ARHGEF3: variants seen among roughly 807,000 people sequenced by gnomAD.
The protein encoded by ARHGEF3 is Rho guanine nucleotide exchange factor 3, also known as 59.8 kDA protein.
A neutral mutation model predicts 63.2 loss-of-function variants in ARHGEF3; 28 were observed. That is an observed-to-expected ratio of 0.44 (90% CI 0.33 to 0.61). ARHGEF3 has a LOEUF of 0.61. Among genes scored for constraint, ARHGEF3 ranks in the 20% least tolerant of loss-of-function variants. ARHGEF3 has a pLI of 0.03. For missense variants in ARHGEF3, 533 were observed against 659.3 expected (o/e 0.81, Z 2.10); for synonymous variants, 266 against 254.2 (o/e 1.05, Z -0.44).
At chr3:56,852,918 A>C (rs2039728612) in intron 4 of ARHGEF3, among the ~76,000 whole-genome samples, 1 of 152,194 alleles carries the variant, frequency 6.6e-6, no homozygotes, top group South Asian at 2.1e-4. Flanking sequence ...GGATGTATAG[A>C]CCATGCATTG....
intron 6 of ARHGEF3, among the ~76,000 whole-genome samples, chr3:56,750,551 A>AT (rs1444661565): frequency 5.9e-5 from 9 of 151,940 alleles, no homozygotes; most frequent in East Asian, 3.9e-4. Context: ...TGACCATGAG[A>AT]TTTTTTTTAT....
intron 6 of ARHGEF3, among the ~76,000 whole-genome samples, chr3:56,747,082 G>A (rs1343271922): frequency 7.6e-6 from 1 of 131,066 alleles, no homozygotes; most frequent in African/African-American, 2.7e-5. Context: ...GAGAGAGAGA[G>A]AGAGAGAGAG....
intron 4 of ARHGEF3, 75 bp downstream of exon 4, chr3:56,753,429 A>G: frequency 7.8e-7 from 1 of 1,276,758 alleles, no homozygotes; most frequent in Non-Finnish European, 1.1e-6. Flanking sequence ...CTCACGAAGC[A>G]CCACTTTAGG....
At chr3:56,751,169 T>C in intron 5 of ARHGEF3, 37 bp from the exon 6 acceptor site, 1 of 1,603,158 alleles carries the variant, frequency 6.2e-7, no homozygotes, top group South Asian at 1.1e-5. Flanking sequence ...TTGTTAGGCA[T>C]TCAAATATGA....
intron 1 of ARHGEF3, among the ~76,000 whole-genome samples, chr3:57,057,723 A>C (rs1705006428): frequency 6.6e-6 from 1 of 152,182 alleles, no homozygotes; most frequent in Non-Finnish European, 1.5e-5. Context: ...TGGTCAACTC[A>C]TTCCTAATAT....
At chr3:56,803,754 G>A (rs9832249), upstream of ARHGEF3, among the ~76,000 whole-genome samples, 66,211 of 151,990 alleles carry the variant, frequency 0.44, 16,606 homozygotes, top group East Asian at 0.7. Context: ...GTGAGCTATG[G>A]TTGCACCACT....
At chr3:56,909,448 C>T (rs74379422) in intron 3 of ARHGEF3, among the ~76,000 whole-genome samples, 10,513 of 152,286 alleles carry the variant, frequency 0.069, 424 homozygotes, top group South Asian at 0.14. Context: ...GATGGTTTCA[C>T]GGCATGTGGC....
At chr3:56,980,317 A>T (rs4258933) in intron 2 of ARHGEF3, among the ~76,000 whole-genome samples, 117,556 of 151,984 alleles carry the variant, frequency 0.77, 46,317 homozygotes, top group Middle Eastern at 0.86. Flanking sequence ...CAAAATTATT[A>T]AACACAAAGC....
At chr3:56,780,628 C>G (rs2036519052) in intron 1 of ARHGEF3, among the ~76,000 whole-genome samples, 1 of 149,576 alleles carries the variant, frequency 6.7e-6, no homozygotes, top group Non-Finnish European at 1.5e-5. Flanking sequence ...GTTCCTCTGT[C>G]TTGTTGTCTT....
chr3:56,958,711 T>C, intron 3 of ARHGEF3: 1 of 1,151,854 alleles, frequency 8.7e-7, no homozygotes, highest in South Asian at 1.4e-5. Context: ...GATGCGCTCC[T>C]GATGGAGACT....
intron 1 of ARHGEF3, among the ~76,000 whole-genome samples, chr3:56,800,569 T>C (rs1419117978): frequency 6.6e-6 from 1 of 152,168 alleles, no homozygotes; most frequent in Non-Finnish European, 1.5e-5. Flanking sequence ...CTAGAGGAAA[T>C]GAATCTTTGA....
At chr3:56,949,800 C>A (rs551004643) in intron 3 of ARHGEF3, among the ~76,000 whole-genome samples, 79 of 152,032 alleles carry the variant, frequency 5.2e-4, no homozygotes, top group Non-Finnish European at 8.4e-4. Flanking sequence ...CATATGGAAC[C>A]AAAAAGGAGC....
chr3:56,778,829 C>T (rs1238842246), intron 1 of ARHGEF3, among the ~76,000 whole-genome samples: 1 of 152,196 alleles, frequency 6.6e-6, no homozygotes, highest in Non-Finnish European at 1.5e-5. Flanking sequence ...AGCCACTATG[C>T]CCCGCTTACA....
At chr3:56,884,504 G>T (rs572343046) in intron 3 of ARHGEF3, among the ~76,000 whole-genome samples, 24 of 152,366 alleles carry the variant, frequency 1.6e-4, no homozygotes, top group Admixed American at 1.4e-3. Flanking sequence ...AAACAGTGGT[G>T]CAGCGTGCAG....
intron 3 of ARHGEF3, among the ~76,000 whole-genome samples, chr3:56,921,480 C>A (rs1290441654): frequency 2.2e-5 from 3 of 138,092 alleles, no homozygotes; most frequent in Non-Finnish European, 5.0e-5. Context: ...GCACAGCAAG[C>A]CAGTGAGAAA....
chr3:56,929,555 C>T (rs2042358282), intron 3 of ARHGEF3, among the ~76,000 whole-genome samples: 1 of 152,166 alleles, frequency 6.6e-6, no homozygotes, highest in Non-Finnish European at 1.5e-5. Flanking sequence ...ATCTAATATG[C>T]TTCCGGGTTC....
At chr3:57,017,768 C>G (rs1269719843) in intron 2 of ARHGEF3, among the ~76,000 whole-genome samples, 1 of 152,226 alleles carries the variant, frequency 6.6e-6, no homozygotes, top group African/African-American at 2.4e-5. Flanking sequence ...AGGCTGGACC[C>G]AGGAGAGTGG....
intron 4 of ARHGEF3, among the ~76,000 whole-genome samples, chr3:56,827,010 TAAAAG>T (rs2038738980): frequency 6.6e-6 from 1 of 152,048 alleles, no homozygotes; most frequent in Admixed American, 6.6e-5. Context: ...TATGAAAACA[TAAAAG>T]AGAAGAAGAT....
chr3:56,888,494 CA>C (rs2040998770), intron 3 of ARHGEF3, among the ~76,000 whole-genome samples: 2 of 152,116 alleles, frequency 1.3e-5, no homozygotes, highest in South Asian at 4.1e-4. Flanking sequence ...AATTTGTGGG[CA>C]CAATAGACCT....
Sources: gnomAD v4.1 joint callset for allele counts (sites outside exome capture counted in the v4.1 genomes callset) on GRCh38, gnomAD v4.1.1 for gene constraint, MANE v1.5 for transcripts, NCBI Gene and HGNC (gene_info 2026-07-23, HGNC 2026-07-21) for gene names.